Variants in ZBTB38 observed in about 807,000 individuals in gnomAD.
ZBTB38 encodes zinc finger and BTB domain containing 38, also known as zinc finger and BTB domain-containing protein 38.
Under a neutral mutation model 76.8 loss-of-function variants are expected in ZBTB38, and 20 were observed. That is an observed-to-expected ratio of 0.26 (90% CI 0.18 to 0.38). The LOEUF (loss-of-function observed/expected upper bound fraction) is 0.38, where lower values mean the gene tolerates loss of function less well. ZBTB38 is among the 10% of genes least tolerant of loss of function. The pLI is 1.00. For synonymous variants in ZBTB38, 504 were observed against 544.2 expected, an observed-to-expected ratio of 0.93 and a Z score of 1.03; for missense variants, 1,082 against 1,482.3, an observed-to-expected ratio of 0.73 and a Z score of 4.43.
chr3:141,338,736 C>T (rs1041851955), intron 1 of ZBTB38, among the ~76,000 whole-genome samples: 5 of 152,122 alleles, frequency 3.3e-5, no homozygotes, highest in Non-Finnish European at 5.9e-5. Flanking sequence ...ACACGCCAAA[C>T]CCCTGTGACA....
In ZBTB38 at chr3:141,445,124, T is replaced by C; in HGVS notation, c.2736T>C (p.Thr912=). The part of the protein sequence containing the change: ...VFDDASDQDS[T]DKPWRPYYNY... ...ATGACGCAAGTGACCAGGATTCCAC[T>C]GACAAACCGTGGCGCCCTTACTACA... Residue 912 remains threonine, a synonymous_variant, in exon 6 of 6, where the codon ACT becomes ACC. Coordinates refer to ENST00000321464, the MANE Select transcript of ZBTB38 (RefSeq NM_001376113.1). This position sits in a 1 kb window ranked among gnomAD's most constrained non-coding sequence, Gnocchi z 6.5. 6.2e-7 allele frequency: 1 copy of C among 1,613,910 alleles called. No homozygotes were observed. The highest frequency in any genetic ancestry group is 2.2e-5 in the East Asian group (1 of 44,858).
intron 2 of ZBTB38, among the ~76,000 whole-genome samples, chr3:141,372,319 G>A (rs1050440686): frequency 5.9e-5 from 9 of 152,100 alleles, no homozygotes; most frequent in Non-Finnish European, 7.4e-5. Flanking sequence ...TCTATTGATC[G>A]GGGAGCTGGC....
chr3:141,330,000 T>C (rs956228403), intron 1 of ZBTB38, among the ~76,000 whole-genome samples: 1 of 151,528 alleles, frequency 6.6e-6, no homozygotes, highest in African/African-American at 2.4e-5. Context: ...ATTGTATATA[T>C]ATATCACATA....
At chr3:141,404,202 G>T (rs745711933) in intron 5 of ZBTB38, among the ~76,000 whole-genome samples, 171 bp downstream of exon 5, 1 of 152,186 alleles carries the variant, frequency 6.6e-6, no homozygotes, top group African/African-American at 2.4e-5. Flanking sequence ...TGAAGCCCCC[G>T]TGATGAAGGG....
At chr3:141,329,017 A>G (rs1320466268) in intron 1 of ZBTB38, among the ~76,000 whole-genome samples, 1 of 152,082 alleles carries the variant, frequency 6.6e-6, no homozygotes, top group Non-Finnish European at 1.5e-5. Context: ...AGTCGTGCAT[A>G]GCTCTGCCAT....
chr3:141,439,990 C>T (rs1178813058), intron 5 of ZBTB38, among the ~76,000 whole-genome samples: 2 of 152,154 alleles, frequency 1.3e-5, no homozygotes, highest in South Asian at 2.1e-4. Flanking sequence ...TCCTTCACTC[C>T]GGGGTCACCC....
At chr3:141,415,127 C>T (rs577709526) in intron 5 of ZBTB38, among the ~76,000 whole-genome samples, 1 of 152,274 alleles carries the variant, frequency 6.6e-6, no homozygotes, top group South Asian at 2.1e-4. Flanking sequence ...GGTTTCCCTA[C>T]ACTCCATTTA....
intron 5 of ZBTB38, among the ~76,000 whole-genome samples, chr3:141,414,467 G>A (rs2073476926): frequency 6.6e-6 from 1 of 152,236 alleles, no homozygotes; most frequent in Non-Finnish European, 1.5e-5. Context: ...AAATAAGTCA[G>A]CCACTTCAGA....
In ZBTB38 at chr3:141,442,133, T is replaced by G. The variant is rs1050109599; in HGVS notation, c.1-256T>G. Among the ~76,000 whole-genome samples the G allele has an allele frequency of 6.6e-6, 1 of 151,712 alleles. No individual in the cohort carries two copies. Among genetic ancestry groups the G allele is most frequent in the Admixed American group, 6.6e-5 (1 of 15,246 alleles). On this transcript the variant is annotated intron_variant, in intron 5 of 5. Transcript: ENST00000321464. This position sits in a 1 kb window ranked among gnomAD's most constrained non-coding sequence, Gnocchi z 6.4. The stretch of plus-strand genomic sequence containing the variant: ...TGGACATGTATATATAGCTCCAACT[T>G]TGGAGAAAAGGGGAAGGAGTTCTGG...
chr3:141,415,336 G>T (rs1412750113), intron 5 of ZBTB38, among the ~76,000 whole-genome samples: 1 of 152,140 alleles, frequency 6.6e-6, no homozygotes, highest in Non-Finnish European at 1.5e-5. Context: ...CTGGACTCTA[G>T]GGGGGCCAGG....
upstream of ZBTB38, among the ~76,000 whole-genome samples, chr3:141,365,560 A>AC (rs1376215619): frequency 6.6e-6 from 1 of 152,030 alleles, no homozygotes; most frequent in African/African-American, 2.4e-5. Flanking sequence ...CCTCTGAAAG[A>AC]CCCCACCTCT....
intron 1 of ZBTB38, among the ~76,000 whole-genome samples, chr3:141,362,830 A>T (rs1479640112): frequency 1.3e-5 from 2 of 152,132 alleles, no homozygotes; most frequent in African/African-American, 4.8e-5. Context: ...AAGTATTAAT[A>T]TGAGTTAATT....
chr3:141,414,711 G>A (rs1577211477), intron 5 of ZBTB38, among the ~76,000 whole-genome samples: 2 of 152,196 alleles, frequency 1.3e-5, no homozygotes, highest in Non-Finnish European at 2.9e-5. Flanking sequence ...GCCTGCAGAG[G>A]CTAACCTGGA....
chr3:141,369,006 A>C (rs1368113647), intron 1 of ZBTB38, among the ~76,000 whole-genome samples: 4 of 151,636 alleles, frequency 2.6e-5, no homozygotes, highest in Non-Finnish European at 5.9e-5. Flanking sequence ...AAAAAAAAAA[A>C]AAAAAAACAA....
chr3:141,406,674 G>A (rs1030379060), intron 5 of ZBTB38, among the ~76,000 whole-genome samples: 3 of 152,164 alleles, frequency 2.0e-5, no homozygotes, highest in Non-Finnish European at 4.4e-5. Flanking sequence ...GGGAAAAATG[G>A]TTGAGGATGG....
Position 141,407,513 on chromosome 3 carries a change from T to C in ZBTB38, c.-1+3482T>C, listed in dbSNP as rs142673923. Among the ~76,000 whole-genome samples the C allele has an allele frequency of 5.0e-3, 768 of 152,384 alleles. 6 individuals carry two copies. The highest frequency in any genetic ancestry group is 0.017 in the African/African-American group (719 of 41,590). On this transcript the variant is annotated intron_variant, in intron 5 of 5. Coordinates refer to ENST00000321464, the MANE Select transcript of ZBTB38 (RefSeq NM_001376113.1). ...TATGTAAATTTATATATTGTGCATC[T>C]ACACGTAAAGCCTTATCTTTAAGAC...
intron 4 of ZBTB38, among the ~76,000 whole-genome samples, chr3:141,391,933 T>G (rs1186134354): frequency 1.3e-5 from 2 of 152,174 alleles, no homozygotes; most frequent in East Asian, 3.8e-4. Context: ...TTTTTTTTCC[T>G]CTATTAGAGC....
At chr3:141,354,833 G>A (rs6784404) in intron 1 of ZBTB38, among the ~76,000 whole-genome samples, 79,297 of 151,844 alleles carry the variant, frequency 0.52, 24,134 homozygotes, top group African/African-American at 0.85. Context: ...TGTTCCTCAG[G>A]TGATGGGCAC....
intron 2 of ZBTB38, among the ~76,000 whole-genome samples, chr3:141,377,264 C>T (rs1945516208): frequency 6.6e-6 from 1 of 152,242 alleles, no homozygotes; most frequent in South Asian, 2.1e-4. Context: ...TTTTCCATCG[C>T]CTAAGTGCCA....
Sources: allele counts gnomAD v4.1 joint callset (sites outside exome capture counted in the v4.1 genomes callset), GRCh38; gene constraint gnomAD v4.1.1; non-coding constraint Gnocchi (gnomAD v3.1); transcripts MANE v1.5; gene names NCBI Gene and HGNC (gene_info 2026-07-23, HGNC 2026-07-21).